Variants in ATF6 observed in about 807,000 individuals in gnomAD.
ATF6 encodes activating transcription factor 6.
In ATF6, 53 loss-of-function variants were observed where a neutral mutation model predicts 83.6. The ratio of observed to expected loss-of-function variants is 0.63; its 90% CI spans 0.51 to 0.80. The LOEUF (loss-of-function observed/expected upper bound fraction) is 0.80, where lower values mean the gene tolerates loss of function less well. Among genes scored for constraint, ATF6 ranks in the 30% least tolerant of loss-of-function variants. The pLI is 0.00. For synonymous variants in ATF6, 288 were observed against 285.8 expected (o/e 1.01, Z -0.08); for missense variants, 744 against 797.9 (o/e 0.93, Z 0.81).
chr1:161,851,246 AC>A (rs1686617229), intron 10 of ATF6, among the ~76,000 whole-genome samples: 1 of 143,068 alleles, frequency 7.0e-6, no homozygotes, highest in Non-Finnish European at 1.5e-5. Flanking sequence ...ACACACACAC[AC>A]ACACACACAC....
chr1:161,833,146 G>A (rs927312397), intron 9 of ATF6, among the ~76,000 whole-genome samples: 2 of 152,230 alleles, frequency 1.3e-5, no homozygotes, highest in Non-Finnish European at 2.9e-5. Context: ...GGCAAACAGG[G>A]TCTGGAGTGG....
At chr1:161,908,680 C>T (rs1012183217) in intron 14 of ATF6, among the ~76,000 whole-genome samples, 4 of 152,108 alleles carry the variant, frequency 2.6e-5, no homozygotes, top group African/African-American at 9.7e-5. Flanking sequence ...GGAGTCCATT[C>T]GAAGATGTCT....
chr1:161,830,995 G>A (rs79974879), intron 9 of ATF6, among the ~76,000 whole-genome samples: 22,438 of 151,918 alleles, frequency 0.15, 2,404 homozygotes, highest in East Asian at 0.31. Context: ...AGAAACTACC[G>A]TCAGAGTGAA....
chr1:161,866,435 A>G (rs777495296), intron 14 of ATF6, among the ~76,000 whole-genome samples: 1 of 152,214 alleles, frequency 6.6e-6, no homozygotes, highest in East Asian at 1.9e-4. Flanking sequence ...ATAGCTCAGC[A>G]AGAAAAAATG....
chr1:161,785,975 C>CTT (rs568394977), intron 4 of ATF6, among the ~76,000 whole-genome samples: 30 of 142,184 alleles, frequency 2.1e-4, no homozygotes, highest in African/African-American at 6.6e-4. Context: ...AATTTTTGTT[C>CTT]TTTTTTTTTT....
At chr1:161,957,408 G>A (rs1688990284) in intron 15 of ATF6, among the ~76,000 whole-genome samples, 1 of 152,108 alleles carries the variant, frequency 6.6e-6, no homozygotes. Context: ...ATTCTCCCAT[G>A]TTCACACATC....
intron 1 of ATF6, among the ~76,000 whole-genome samples, chr1:161,767,008 C>T (rs1434231287): frequency 6.6e-6 from 1 of 152,162 alleles, no homozygotes; most frequent in Non-Finnish European, 1.5e-5. Context: ...GACTGCTCTC[C>T]AGATACAGCT....
At chr1:161,952,525 C>A (rs772020510) in intron 15 of ATF6, among the ~76,000 whole-genome samples, 11 of 152,094 alleles carry the variant, frequency 7.2e-5, no homozygotes, top group Non-Finnish European at 1.6e-4. Flanking sequence ...CACCCTCTCA[C>A]TCTCTTTTTT....
At chr1:161,943,391 C>T (rs1284931628) in intron 15 of ATF6, among the ~76,000 whole-genome samples, 1 of 152,192 alleles carries the variant, frequency 6.6e-6, no homozygotes, top group Non-Finnish European at 1.5e-5. Context: ...TTCCTGAGGC[C>T]TCCCCAGCAA....
chr1:161,906,158 A>G (rs1367196088), intron 14 of ATF6, among the ~76,000 whole-genome samples: 1 of 152,124 alleles, frequency 6.6e-6, no homozygotes, highest in African/African-American at 2.4e-5. Context: ...ATGAAGTAAT[A>G]TGAAGCACAT....
chr1:161,849,043 A>T (rs533596252), intron 10 of ATF6, among the ~76,000 whole-genome samples: 1 of 152,126 alleles, frequency 6.6e-6, no homozygotes, highest in Admixed American at 6.6e-5. Flanking sequence ...TTTCAAAAGC[A>T]GTTTTGGACT....
chr1:161,894,676 C>G (rs796088878), intron 14 of ATF6, among the ~76,000 whole-genome samples: 1 of 147,380 alleles, frequency 6.8e-6, no homozygotes, highest in African/African-American at 2.5e-5. Context: ...GCTGGGATTA[C>G]AGGCGCCCAC....
At chr1:161,940,894 C>T (rs899469411) in intron 15 of ATF6, among the ~76,000 whole-genome samples, 3 of 152,136 alleles carry the variant, frequency 2.0e-5, no homozygotes, top group African/African-American at 7.2e-5. Flanking sequence ...TCCACCTCCC[C>T]AGGCTAGGTA....
Position 161,821,068 on chromosome 1 carries a change from A to G in ATF6, c.1096-2A>G. 8 of 1,598,900 alleles carry G rather than the reference A, an allele frequency of 5.0e-6. No individual in the cohort carries two copies. The highest frequency in any genetic ancestry group is 6.0e-6 in the Non-Finnish European group (7 of 1,171,842). ...TGTATTTAATGTGGTCATTTCCTTT[A>G]GAACCAGAGGCTTAAAGTCCCTAGT... is the stretch of plus-strand genomic sequence containing the variant. On this transcript the variant is annotated splice_acceptor_variant, in intron 8 of 15. Transcript: ENST00000367942. LOFTEE classifies it high-confidence loss of function.
At position 161,785,235 on chromosome 1, in the gene ATF6, C is replaced by A. The variant is rs113414102; in HGVS notation, c.354+1139C>A. On this transcript the variant is annotated intron_variant, in intron 4 of 15. Coordinates refer to ENST00000367942, the MANE Select transcript of ATF6 (RefSeq NM_007348.4). ...GTTACAGTTCTAGGTTTTTGCACAT[C>A]CTCTTTCTTCTGCCTAGAATAGCCC... Among the ~76,000 whole-genome samples, 422 of 152,298 alleles carry A rather than the reference C, an allele frequency of 2.8e-3. 3 individuals are homozygous for A. The highest frequency in any genetic ancestry group is 9.5e-3 in the African/African-American group (394 of 41,560).
intron 14 of ATF6, among the ~76,000 whole-genome samples, chr1:161,903,960 TC>T (rs1687838660): frequency 6.6e-6 from 1 of 152,176 alleles, no homozygotes; most frequent in Admixed American, 6.5e-5. Flanking sequence ...AAATTGTTTT[TC>T]AAGAGTTGAG....
intron 6 of ATF6, among the ~76,000 whole-genome samples, chr1:161,793,625 A>G (rs144785395): frequency 6.6e-6 from 1 of 152,360 alleles, no homozygotes; most frequent in South Asian, 2.1e-4. Context: ...TGTAGTTCCC[A>G]TAAGCTATTA....
intron 12 of ATF6, among the ~76,000 whole-genome samples, chr1:161,855,180 TGGTGGGGA>T (rs1571192783): frequency 6.6e-6 from 1 of 152,060 alleles, no homozygotes; most frequent in African/African-American, 2.4e-5. Flanking sequence ...AAGTGGACCA[TGGTGGGGA>T]GTATGACTGG....
At chr1:161,934,469 C>G (rs1688500423) in intron 15 of ATF6, among the ~76,000 whole-genome samples, 2 of 152,152 alleles carry the variant, frequency 1.3e-5, no homozygotes, top group South Asian at 4.1e-4. Flanking sequence ...CTAGATGTTT[C>G]CTAGTGGTGC....
Sources: gnomAD v4.1 joint callset for allele counts (sites outside exome capture counted in the v4.1 genomes callset) on GRCh38, gnomAD v4.1.1 for gene constraint, MANE v1.5 for transcripts, NCBI Gene and HGNC (gene_info 2026-07-23, HGNC 2026-07-21) for gene names.